Variants in SNX8 observed in about 807,000 individuals in gnomAD.
SNX8 encodes the protein sorting nexin-8.
SNX8 carries 25 observed loss-of-function variants against 51.6 expected under a neutral mutation model. That is an observed-to-expected ratio of 0.48 (90% CI 0.35 to 0.68). The LOEUF is 0.68. SNX8 is among the 30% of genes least tolerant of loss of function. SNX8 has a pLI of 0.00. For synonymous variants in SNX8, 324 were observed against 277.0 expected (o/e 1.17, Z -1.68); for missense variants, 695 against 624.0 (o/e 1.11, Z -1.21).
intron 4 of SNX8, among the ~76,000 whole-genome samples, chr7:2,269,903 G>C (rs73043243): frequency 1.3e-5 from 2 of 152,086 alleles, no homozygotes; most frequent in Admixed American, 1.3e-4. Flanking sequence ...CCGCAGACGG[G>C]GGGCAGCTCT....
chr7:2,263,319 G>C lies in SNX8; in HGVS notation c.826C>G (p.Leu276Val). The C allele has an allele frequency of 6.2e-7, 1 of 1,613,336 alleles. No individual in the cohort carries two copies. Among genetic ancestry groups the C allele is most frequent in the Non-Finnish European group, 8.5e-7 (1 of 1,179,712 alleles). The change falls in exon 7 of 11, where the codon CTG becomes GTG. Residue 276 changes from leucine (L) to valine (V), a missense_variant. Coordinates refer to ENST00000222990, the MANE Select transcript of SNX8 (RefSeq NM_013321.4). ...AGGGACCCCCACGTGCTGCTATTCAGAGCGGCCCAGGAGGGCAGCGGGGTC... is the reference window on the plus strand; with the variant it reads ...AGGGACCCCCACGTGCTGCTATTCACAGCGGCCCAGGAGGGCAGCGGGGTC... Reference protein sequence around the residue: ...DTTPLPSWAALNSSTWGSLKQ... With the variant: ...DTTPLPSWAAVNSSTWGSLKQ...
chr7:2,294,591 G>A (rs1796230243), intron 1 of SNX8, among the ~76,000 whole-genome samples: 1 of 152,194 alleles, frequency 6.6e-6, no homozygotes, highest in African/African-American at 2.4e-5. Flanking sequence ...ACATGTACCA[G>A]GCTACTCAGT....
intron 1 of SNX8, among the ~76,000 whole-genome samples, chr7:2,281,271 A>T (rs1453320058): frequency 6.6e-6 from 1 of 151,864 alleles, no homozygotes; most frequent in Non-Finnish European, 1.5e-5. Context: ...CAAAAAATAA[A>T]ATTACGGGCA....
intron 1 of SNX8, among the ~76,000 whole-genome samples, chr7:2,309,031 C>T (rs1443093180): frequency 2.0e-5 from 3 of 151,960 alleles, no homozygotes; most frequent in South Asian, 2.1e-4. Flanking sequence ...TCAGGTGATC[C>T]GCCCACCTCG....
At chr7:2,339,577 G>C (rs1284446807) in intron 1 of SNX8, among the ~76,000 whole-genome samples, 1 of 152,124 alleles carries the variant, frequency 6.6e-6, no homozygotes, top group Admixed American at 6.6e-5. Flanking sequence ...TATATCTAAA[G>C]TGACAATTGA....
intron 1 of SNX8, among the ~76,000 whole-genome samples, chr7:2,321,202 G>T (rs536481295): frequency 6.6e-6 from 1 of 152,026 alleles, no homozygotes; most frequent in Non-Finnish European, 1.5e-5. Context: ...AGGTGGGAAC[G>T]TGAGGGCTGT....
intron 1 of SNX8, among the ~76,000 whole-genome samples, chr7:2,312,265 T>C (rs1796672774): frequency 6.6e-6 from 1 of 152,136 alleles, no homozygotes; most frequent in Non-Finnish European, 1.5e-5. Context: ...AATTACACCA[T>C]TATGGTAGCC....
At chr7:2,344,097 G>C (rs1778980150) in intron 1 of SNX8, among the ~76,000 whole-genome samples, 1 of 151,684 alleles carries the variant, frequency 6.6e-6, no homozygotes, top group South Asian at 2.1e-4. Context: ...CCAGCTATTT[G>C]GGTGGCTGAG....
chr7:2,277,467 G>A (rs909322915), intron 2 of SNX8, among the ~76,000 whole-genome samples: 5 of 152,034 alleles, frequency 3.3e-5, no homozygotes, highest in Admixed American at 2.0e-4. Flanking sequence ...TGTGGATCCC[G>A]CTTTGTGCTC....
At chr7:2,336,903 G>C (rs527461043) in intron 1 of SNX8, among the ~76,000 whole-genome samples, 15 of 151,600 alleles carry the variant, frequency 9.9e-5, no homozygotes, top group African/African-American at 3.1e-4. Context: ...CAGCTACTCC[G>C]GAGCCTGAGG....
intron 1 of SNX8, among the ~76,000 whole-genome samples, chr7:2,328,751 A>G (rs779558878): frequency 7.9e-5 from 12 of 152,070 alleles, no homozygotes; most frequent in Non-Finnish European, 1.5e-4. Flanking sequence ...GGAGATCGAG[A>G]CCATCCTGGC....
intron 5 of SNX8, among the ~76,000 whole-genome samples, chr7:2,266,168 T>C (rs1046470148): frequency 2.0e-4 from 30 of 152,210 alleles, no homozygotes; most frequent in Admixed American, 4.6e-4. Flanking sequence ...AGCAGGTTTT[T>C]TTCTGGTTTT....
chr7:2,298,431 G>A (rs1175558419), intron 1 of SNX8, among the ~76,000 whole-genome samples: 2 of 150,998 alleles, frequency 1.3e-5, no homozygotes, highest in Admixed American at 6.6e-5. Context: ...GTGCAGTGGT[G>A]CAATCTCGGC....
chr7:2,327,568 C>T (rs556398437), intron 1 of SNX8, among the ~76,000 whole-genome samples: 5 of 152,218 alleles, frequency 3.3e-5, no homozygotes, highest in East Asian at 3.9e-4. Context: ...CCACCATGCC[C>T]GGCTAATTTT....
Position 2,314,362 on chromosome 7 carries a change from C to T in SNX8, c.60G>A (p.Ala20=). 8.2e-7 allele frequency: 1 copy of T among 1,224,106 alleles called. No homozygotes were observed. The highest frequency in any genetic ancestry group is 1.0e-6 in the Non-Finnish European group (1 of 982,596). 75.8% of individuals were successfully genotyped at this position (1,224,106 alleles called of 1,614,324 possible). A position where few individuals can be genotyped will look rare whatever the true frequency, so the allele number is the denominator to read the frequency against. The change falls in exon 1 of 11, where the codon GCG becomes GCA. Residue 20 remains alanine, a synonymous_variant. Transcript: ENST00000222990. Reference sequence around the variant, plus strand: ...GGGGATCCGCCTCCTCGTCAGCCTCCGCCTCAGCTGCCGCCCCGACTGCAG... The same window carrying T: ...GGGGATCCGCCTCCTCGTCAGCCTCTGCCTCAGCTGCCGCCCCGACTGCAG... ...PAAAVGAAAE[A]EADEEADPPA... is the part of the protein sequence containing the mutation.
chr7:2,335,301 C>T (rs1778807045), intron 1 of SNX8, among the ~76,000 whole-genome samples: 1 of 152,176 alleles, frequency 6.6e-6, no homozygotes, highest in Admixed American at 6.6e-5. Context: ...ATGGATACTA[C>T]TCAGCAGTAA....
chr7:2,353,161 T>C (rs1389519294), intron 1 of SNX8, among the ~76,000 whole-genome samples: 1 of 152,126 alleles, frequency 6.6e-6, no homozygotes, highest in African/African-American at 2.4e-5. Flanking sequence ...CGGTGGCACA[T>C]ACCTTCAGTC....
chr7:2,315,921 C>A (rs1796747666), upstream of SNX8, among the ~76,000 whole-genome samples: 1 of 151,578 alleles, frequency 6.6e-6, no homozygotes, highest in Non-Finnish European at 1.5e-5. Context: ...CACCCACTCA[C>A]TCACTCACTG....
intron 6 of SNX8, among the ~76,000 whole-genome samples, chr7:2,263,822 T>C (rs1427303138): frequency 6.6e-6 from 1 of 151,982 alleles, no homozygotes; most frequent in Non-Finnish European, 1.5e-5. Context: ...CAAGCAATTC[T>C]CTGCCTCAGC....
Sources: gnomAD v4.1 joint callset for allele counts (sites outside exome capture counted in the v4.1 genomes callset) on GRCh38, gnomAD v4.1.1 for gene constraint, MANE v1.5 for transcripts, NCBI Gene and HGNC (gene_info 2026-07-23, HGNC 2026-07-21) for gene names.